ARAF: variants seen among roughly 807,000 people sequenced by gnomAD.
The protein encoded by ARAF is serine/threonine-protein kinase A-Raf.
In ARAF, 18 loss-of-function variants were observed where a neutral mutation model predicts 48.0. The observed-to-expected ratio is 0.37, with a 90% confidence interval of 0.26 to 0.56. The LOEUF is 0.56. ARAF is among the 20% of genes least tolerant of loss of function. ARAF has a pLI of 0.77. For synonymous variants in ARAF, 207 were observed against 220.1 expected, an observed-to-expected ratio of 0.94 and a Z score of 0.53; for missense variants, 389 against 543.1, an observed-to-expected ratio of 0.72 and a Z score of 2.82.
Position 47,562,976 on chromosome X carries a change from A to C in ARAF, c.9A>C (p.Pro3=). ...ACAAAATCTAAGGCTCCATGGAGCCACCACGGGGCCCCCCTGCCAATGGGG... is the reference window on the plus strand; with the variant it reads ...ACAAAATCTAAGGCTCCATGGAGCCCCCACGGGGCCCCCCTGCCAATGGGG... The part of the protein sequence containing the change: ME[P]PRGPPANGAE... The change falls in exon 2 of 16, where the codon CCA becomes CCC. Residue 3 remains proline, a synonymous_variant. Coordinates refer to ENST00000377045, the MANE Select transcript of ARAF (RefSeq NM_001654.5). The C allele has an allele frequency of 8.5e-7, 1 of 1,174,675 alleles. No homozygotes were observed. Among genetic ancestry groups the C allele is most frequent in the Non-Finnish European group, 1.1e-6 (1 of 876,094 alleles).
chrX:47,570,248 G>A, intron 14 of ARAF: 1 of 386,535 alleles, frequency 2.6e-6, no homozygotes, highest in Non-Finnish European at 4.4e-6. Context: ...CAGCCCTCTG[G>A]GACAAAAATC....
rs2057743722 is a variant in ARAF at position 47,568,824 on chromosome X, C to T, written c.1183C>T (p.His395Tyr). The T allele has an allele frequency of 1.7e-6, 2 of 1,211,229 alleles. No individual in the cohort carries two copies. Among genetic ancestry groups the T allele is most frequent in the Non-Finnish European group, 2.2e-6 (2 of 895,274 alleles). The change falls in exon 11 of 16, where the codon CAT becomes TAT. Residue 395 changes from histidine to tyrosine, a missense_variant. This residue lies in a region of ARAF where 170 missense variants were observed against 281.4 expected (regional missense o/e 0.60). Coordinates refer to ENST00000377045, the MANE Select transcript of ARAF (RefSeq NM_001654.5). ...GGGCTCCAGCCTCTACCATCACCTGCATGTGGCCGACACACGCTTCGACAT... is the reference window on the plus strand; with the variant it reads ...GGGCTCCAGCCTCTACCATCACCTGTATGTGGCCGACACACGCTTCGACAT... Reference protein sequence around the residue: ...CEGSSLYHHLHVADTRFDMVQ... With the variant: ...CEGSSLYHHLYVADTRFDMVQ...
In ARAF at chrX:47,571,398, C is replaced by T. The variant is rs1168869454; in HGVS notation, c.1762C>T (p.Arg588Cys). The T allele has an allele frequency of 8.3e-7, 1 of 1,209,271 alleles. No homozygotes were observed. The highest frequency in any genetic ancestry group is 1.1e-6 in the Non-Finnish European group (1 of 894,365). ...GAGTGCCTCGGAACCCTCCTTGCAC[C>T]GCACCCAGGCCGATGAGTTGCCTGC... is the stretch of plus-strand genomic sequence containing the variant. ...ERSASEPSLH[R>C]TQADELPACL... Residue 588 changes from arginine to cysteine, a missense_variant, in exon 16 of 16, where the codon CGC becomes TGC. Physicochemically the swap from Arg to Cys is radical, Grantham distance 180 (BLOSUM62 -3). Coordinates refer to ENST00000377045, the MANE Select transcript of ARAF (RefSeq NM_001654.5).
In ARAF at chrX:47,563,037, T is replaced by C; in HGVS notation, c.70T>C (p.Tyr24His). 8 of 1,199,832 alleles carry C rather than the reference T, an allele frequency of 6.7e-6. No individual in the cohort carries two copies. The highest frequency in any genetic ancestry group is 9.0e-6 in the Non-Finnish European group (8 of 889,500). The change falls in exon 2 of 16, where the codon TAC (tyrosine) becomes CAC (histidine). Residue 24 changes from tyrosine to histidine, a missense_variant. Physicochemically the swap from Tyr to His is moderately conservative, Grantham distance 83. Around this residue, in one of 4 missense-constraint regions of ARAF, gnomAD observed 47 missense variants for 66.9 expected, o/e 0.70. Transcript: ENST00000377045. The part of the protein sequence containing the change: ...PSRAVGTVKV[Y>H]LPNKQRTVVT... ...CCGGGCAGTGGGCACCGTCAAAGTA[T>C]ACCTGCCCAACAAGCAACGCACGGT... is the stretch of plus-strand genomic sequence containing the variant.
At chrX:47,562,501 GAAA>G (rs751373820) in intron 1 of ARAF, among the ~76,000 whole-genome samples, 1 of 67,348 alleles carries the variant, frequency 1.5e-5, no homozygotes, top group Non-Finnish European at 3.1e-5. Flanking sequence ...AAAAAAAACA[GAAA>G]AAAAAAAAAA....
rs1295949286 is a variant in ARAF, at chrX:47,571,631, C to T, written c.*174C>T. 1.4e-6 allele frequency: 1 copy of T among 699,379 alleles called. No homozygotes were observed. The highest frequency in any genetic ancestry group is 2.0e-6 in the Non-Finnish European group (1 of 497,434). 57.6% of individuals were successfully genotyped at this position (699,379 alleles called of 1,213,427 possible). ...TCCAGTTCTTCTGGAATTGGGGGACCCCCGCCAAAGACTGAGCCCCCTGTC... is the reference window on the plus strand; with the variant it reads ...TCCAGTTCTTCTGGAATTGGGGGACTCCCGCCAAAGACTGAGCCCCCTGTC... On this transcript the variant is annotated 3_prime_UTR_variant, in exon 16 of 16. Coordinates refer to ENST00000377045, the MANE Select transcript of ARAF (RefSeq NM_001654.5).
rs752848207 is a variant in ARAF, at chrX:47,570,859, T to C, written c.1552-19T>C. 4.2e-6 allele frequency: 5 copies of C among 1,195,739 alleles called. No individual in the cohort carries two copies. The East Asian group carries it at 1.2e-4, about 29-fold the overall frequency. On this transcript the variant is annotated intron_variant, in intron 14 of 15. Coordinates refer to ENST00000377045, the MANE Select transcript of ARAF (RefSeq NM_001654.5). Reference sequence around the variant, plus strand: ...CCCTGACCCCAGATCACCCCTTTCCTGCCCCCGTCTGCCCCCAGATTATCT... The same window carrying C: ...CCCTGACCCCAGATCACCCCTTTCCCGCCCCCGTCTGCCCCCAGATTATCT...
Position 47,571,590 on chromosome X carries a change from G to GGTCCCCAT in ARAF, c.*136_*143dup, listed in dbSNP as rs779799263. 9 of 956,362 alleles carry GGTCCCCAT rather than the reference G, an allele frequency of 9.4e-6. No individual in the cohort carries two copies. The highest frequency in any genetic ancestry group is 5.3e-5 in the South Asian group (2 of 37,791). The allele number at this position is 956,362 out of a possible 1,213,427, so 78.8% of individuals were successfully genotyped here. Reference sequence around the variant, plus strand: ...CATTCCCCACCCTGGGAGATGAGGGGGTCCCCATGTGCTTTTCCAGTTCTT... The same window carrying GGTCCCCAT: ...CATTCCCCACCCTGGGAGATGAGGGGGTCCCCATGTCCCCATGTGCTTTTCCAGTTCTT... On this transcript the variant is annotated 3_prime_UTR_variant, in exon 16 of 16. Coordinates refer to ENST00000377045, the MANE Select transcript of ARAF (RefSeq NM_001654.5).
intron 14 of ARAF, 131 bp downstream of exon 14, chrX:47,570,155 A>C: frequency 1.3e-6 from 1 of 789,140 alleles, no homozygotes; most frequent in East Asian, 3.5e-5. Flanking sequence ...TAGGATAAGG[A>C]CTCCCAGAAT....
Position 47,570,166 on chromosome X carries a change from C to T in ARAF, c.1551+142C>T, listed in dbSNP as rs988285938. 3 of 695,374 alleles carry T rather than the reference C, an allele frequency of 4.3e-6. No individual in the cohort carries two copies. The African/African-American group carries it at 6.7e-5, about 15-fold the overall frequency. The allele number at this position is 695,374 out of a possible 1,213,427, so 57.3% of individuals were successfully genotyped here. A position where few individuals can be genotyped will look rare whatever the true frequency, so the allele number is the denominator to read the frequency against. On this transcript the variant is annotated intron_variant, in intron 14 of 15. Transcript: ENST00000377045. Reference sequence around the variant, plus strand: ...TTTCTAGGATAAGGACTCCCAGAATCCCTTGGGCTCCAGACACTTACAATA... The same window carrying T: ...TTTCTAGGATAAGGACTCCCAGAATTCCTTGGGCTCCAGACACTTACAATA...
At chrX:47,565,396 T>G in intron 6 of ARAF, 46 bp downstream of exon 6, 4 of 1,186,506 alleles carry the variant, frequency 3.4e-6, no homozygotes, top group South Asian at 3.7e-5. Flanking sequence ...AAAAAGATCT[T>G]GGGGCTCTTG....
At position 47,567,083 on chromosome X, in the gene ARAF, A is replaced by G. The variant is rs1324214840; in HGVS notation, c.825A>G (p.Pro275=). 4.1e-6 allele frequency: 5 copies of G among 1,212,011 alleles called. No homozygotes were observed. The highest frequency in any genetic ancestry group is 5.6e-6 in the Non-Finnish European group (5 of 895,605). ...GGAAGTCCCCACATTCCAAGTCACC[A>G]GCAGAGCAGCGCGAGCGGAAGTCCT... is the stretch of plus-strand genomic sequence containing the variant. The part of the protein sequence containing the change: ...SGRKSPHSKS[P]AEQRERKSLA... The change falls in exon 9 of 16, where the codon CCA becomes CCG. Residue 275 remains proline (P), a synonymous_variant. Coordinates refer to ENST00000377045, the MANE Select transcript of ARAF (RefSeq NM_001654.5).
intron 1 of ARAF, among the ~76,000 whole-genome samples, chrX:47,561,542 C>G (rs1231633253): frequency 1.8e-5 from 2 of 111,590 alleles, no homozygotes; most frequent in East Asian, 5.7e-4. Context: ...CGAGTGGTGC[C>G]GGGATTCCGT....
Position 47,566,798 on chromosome X carries a change from C to T in ARAF, c.699+18C>T, listed in dbSNP as rs769391257. Reference sequence around the variant, plus strand: ...TCATCCAGGTTGGTGCTGTGGGGGACAATGCCGGGGACCACAGGGCAGAGG... The same window carrying T: ...TCATCCAGGTTGGTGCTGTGGGGGATAATGCCGGGGACCACAGGGCAGAGG... On this transcript the variant is annotated intron_variant, in intron 7 of 15. Coordinates refer to ENST00000377045, the MANE Select transcript of ARAF (RefSeq NM_001654.5). 167 of 1,209,211 alleles carry T rather than the reference C, an allele frequency of 1.4e-4. No homozygotes were observed. Among genetic ancestry groups the T allele is most frequent in the Non-Finnish European group, 1.8e-4 (162 of 894,763 alleles).
chrX:47,569,961 G>A lies in ARAF; in HGVS notation c.1488G>A (p.Gly496=). ...TCCAGTCAGACGTCTATGCCTACGG[G>A]GTTGTGCTCTACGAGCTTATGACTG... ...YSFQSDVYAY[G]VVLYELMTGS... is the part of the protein sequence containing the mutation. Residue 496 remains glycine, a synonymous_variant, in exon 14 of 16, where the codon GGG becomes GGA. Transcript: ENST00000377045. 1.7e-6 allele frequency: 2 copies of A among 1,205,866 alleles called. No individual in the cohort carries two copies. The highest frequency in any genetic ancestry group is 2.2e-6 in the Non-Finnish European group (2 of 892,829).
intron 9 of ARAF, 44 bp from the exon 10 acceptor site, chrX:47,567,186 G>A (rs762844944): frequency 1.7e-6 from 2 of 1,210,484 alleles, no homozygotes; most frequent in Non-Finnish European, 2.2e-6. Flanking sequence ...CGTGGGATGA[G>A]GGATGTGGGC....
chrX:47,569,778 C>A, intron 13 of ARAF, 115 bp from the exon 14 acceptor site: 1 of 1,108,590 alleles, frequency 9.0e-7, no homozygotes, highest in Non-Finnish European at 1.2e-6. Context: ...CTCCTCATGT[C>A]CCACCTCGTG....
At chrX:47,563,440 T>A in intron 3 of ARAF, 111 bp downstream of exon 3, 1 of 590,931 alleles carries the variant, frequency 1.7e-6, no homozygotes, top group Non-Finnish European at 2.8e-6. Flanking sequence ...AGTCTTCCCT[T>A]AGTCTTTAGT....
chrX:47,566,018 G>C (rs1054337136), intron 6 of ARAF: 10 of 117,144 alleles, frequency 8.5e-5, no homozygotes, highest in Non-Finnish European at 1.7e-4. Flanking sequence ...TTTCATTTCA[G>C]GATAGTGAAG....
Sources: allele counts gnomAD v4.1 joint callset (sites outside exome capture counted in the v4.1 genomes callset), GRCh38; gene constraint gnomAD v4.1.1; regional missense constraint gnomAD v4.1.1; transcripts MANE v1.5; gene names NCBI Gene and HGNC (gene_info 2026-07-23, HGNC 2026-07-21).